Variants in LTN1 observed in about 807,000 individuals in gnomAD.
The protein encoded by LTN1 is E3 ubiquitin-protein ligase listerin.
A neutral mutation model predicts 201.2 loss-of-function variants in LTN1; 88 were observed. The ratio of observed to expected loss-of-function variants is 0.44; its 90% CI spans 0.37 to 0.52. The LOEUF is 0.52. Among genes scored for constraint, LTN1 ranks in the 20% least tolerant of loss-of-function variants. The pLI, the probability that LTN1 is intolerant of heterozygous loss-of-function variation, is 0.00. For missense variants in LTN1, 1,752 were observed against 2,038.7 expected (o/e 0.86, Z 2.71); for synonymous variants, 645 against 713.5 (o/e 0.90, Z 1.53).
At chr21:28,955,842 G>T (rs2084420347) in intron 16 of LTN1, among the ~76,000 whole-genome samples, 1 of 144,432 alleles carries the variant, frequency 6.9e-6, no homozygotes, top group Non-Finnish European at 1.5e-5. Context: ...AGAATCACTT[G>T]AACCTGGGAA....
Position 28,931,281 on chromosome 21 carries a change from G to A in LTN1, c.5112C>T (p.Asn1704=), listed in dbSNP as rs1395885354. The change falls in exon 29 of 30, where the codon AAC becomes AAT. Residue 1704 remains asparagine (N), a synonymous_variant. Coordinates refer to ENST00000361371, the MANE Select transcript of LTN1 (RefSeq NM_015565.3). ...CAACACCCTCAAAACGTTTGTCTACGTTATTTTTCCATAAAGCTAAGCCTT... is the reference window on the plus strand; with the variant it reads ...CAACACCCTCAAAACGTTTGTCTACATTATTTTTCCATAAAGCTAAGCCTT... The part of the protein sequence containing the change: ...IMEGLALWKN[N]VDKRFEGVED... 5.6e-6 allele frequency: 9 copies of A among 1,611,966 alleles called. No individual in the cohort carries two copies. Among genetic ancestry groups the A allele is most frequent in the African/African-American group, 2.7e-5 (2 of 74,806 alleles).
intron 1 of LTN1, among the ~76,000 whole-genome samples, chr21:28,987,498 A>G (rs2084707418): frequency 6.6e-6 from 1 of 152,134 alleles, no homozygotes; most frequent in South Asian, 2.1e-4. Flanking sequence ...GAGTGGATAC[A>G]CTCATTTCCA....
chr21:28,963,569 G>T (rs2084497239), intron 11 of LTN1, among the ~76,000 whole-genome samples: 1 of 152,222 alleles, frequency 6.6e-6, no homozygotes, highest in African/African-American at 2.4e-5. Context: ...CAAGACCTCT[G>T]ATGGAGATGT....
At chr21:28,934,963 G>T (rs537074010) in intron 27 of LTN1, 146 bp downstream of exon 27, 1 of 621,448 alleles carries the variant, frequency 1.6e-6, no homozygotes, top group East Asian at 2.8e-5. Context: ...CTCCCAAAGC[G>T]TTGGGATTAA....
At chr21:28,973,871 T>C (rs1027379336) in intron 6 of LTN1, among the ~76,000 whole-genome samples, 1 of 152,126 alleles carries the variant, frequency 6.6e-6, no homozygotes, top group African/African-American at 2.4e-5. Context: ...AAAATTAAAG[T>C]TGTACATATA....
At chr21:28,988,129 G>A (rs185286293) in intron 1 of LTN1, among the ~76,000 whole-genome samples, 5 of 127,794 alleles carry the variant, frequency 3.9e-5, no homozygotes, top group East Asian at 2.4e-4. Context: ...GTGACAGGGC[G>A]AGACTCTGTC....
intron 6 of LTN1, among the ~76,000 whole-genome samples, chr21:28,976,933 A>AT (rs1052243360): frequency 6.6e-6 from 1 of 152,012 alleles, no homozygotes; most frequent in Admixed American, 6.6e-5. Flanking sequence ...ATTTTTTTAC[A>AT]TTTTTTAGAT....
Position 28,960,513 on chromosome 21 carries a change from C to A in LTN1, c.2353+4G>T. 2 of 1,607,014 alleles carry A rather than the reference C, an allele frequency of 1.2e-6. No homozygotes were observed. The highest frequency in any genetic ancestry group is 1.7e-6 in the Non-Finnish European group (2 of 1,176,334). ...TTAGAAAACAAAAGCCATATTTGTCCTACCATTTTTAACATGTTGGGATAA... is the reference window on the plus strand; with the variant it reads ...TTAGAAAACAAAAGCCATATTTGTCATACCATTTTTAACATGTTGGGATAA... On this transcript the variant is annotated splice_donor_region_variant and intron_variant, in intron 12 of 29. Transcript: ENST00000361371.
intron 17 of LTN1, among the ~76,000 whole-genome samples, 167 bp from the exon 18 acceptor site, chr21:28,952,431 G>A (rs999958640): frequency 6.6e-6 from 1 of 152,192 alleles, no homozygotes; most frequent in Non-Finnish European, 1.5e-5. Flanking sequence ...ATTATCCAAA[G>A]AGCTGAGAGT....
intron 16 of LTN1, among the ~76,000 whole-genome samples, chr21:28,956,419 A>C (rs2084426020): frequency 6.6e-6 from 1 of 152,158 alleles, no homozygotes; most frequent in South Asian, 2.1e-4. Context: ...TTTTTTAATC[A>C]ACAGAAAATT....
At position 28,969,578 on chromosome 21, in the gene LTN1, G is replaced by A. The variant is rs752269848; in HGVS notation, c.1199C>T (p.Thr400Ile). Reference sequence around the variant, plus strand: ...TACTGCCGAGGACTCTAAAGAGCTGGTTTTAGTTCTCTCTGTTGACAGCCT... The same window carrying A: ...TACTGCCGAGGACTCTAAAGAGCTGATTTTAGTTCTCTCTGTTGACAGCCT... ...VAGLSTERTK[T>I]SSLESSAVIS... Residue 400 changes from threonine (T) to isoleucine (I), a missense_variant, in exon 9 of 30, where the codon ACC (threonine) becomes ATC (isoleucine). Coordinates refer to ENST00000361371, the MANE Select transcript of LTN1 (RefSeq NM_015565.3). The A allele has an allele frequency of 1.9e-6, 3 of 1,605,328 alleles. No individual in the cohort carries two copies. The South Asian group carries it at 3.3e-5, about 18-fold the overall frequency.
At chr21:28,955,204 C>T (rs1484386981) in intron 16 of LTN1, among the ~76,000 whole-genome samples, 2 of 152,026 alleles carry the variant, frequency 1.3e-5, no homozygotes, top group African/African-American at 4.8e-5. Context: ...AATGGTGGCA[C>T]TGCTTGTAAT....
intron 4 of LTN1, 33 bp downstream of exon 4, chr21:28,984,659 A>C (rs751092369): frequency 1.3e-6 from 2 of 1,548,858 alleles, no homozygotes; most frequent in Admixed American, 3.5e-5. Flanking sequence ...ACTTAAAAAA[A>C]AAAAATAGAT....
At chr21:28,930,586 C>A (rs993712774) in intron 29 of LTN1, 76 bp from the exon 30 acceptor site, 2 of 910,830 alleles carry the variant, frequency 2.2e-6, no homozygotes, top group Admixed American at 2.3e-5. Flanking sequence ...AGTACACATA[C>A]ATCTATAGTA....
intron 1 of LTN1, among the ~76,000 whole-genome samples, chr21:28,988,921 C>T (rs1181618321): frequency 1.3e-5 from 2 of 150,918 alleles, no homozygotes; most frequent in African/African-American, 2.4e-5. Context: ...GTCGAGATTG[C>T]GCCATTGCAC....
chr21:28,959,497 G>C lies in LTN1; in HGVS notation c.2554C>G (p.Gln852Glu). ...TTTTCTTTGCTCTGAGCACATAACT[G>C]AAAGAGAGTTAATAATAAATCTTCA... ...SSEDLLLTLF[Q>E]LCAQSKEKTH... is the part of the protein sequence containing the mutation. Residue 852 changes from glutamine (Q) to glutamate (E), a missense_variant, in exon 13 of 30, where the codon CAG (glutamine) becomes GAG (glutamate). Physicochemically the swap from Gln to Glu is conservative, Grantham distance 29 (BLOSUM62 2). Transcript: ENST00000361371. 1 of 1,613,922 alleles carries C rather than the reference G, an allele frequency of 6.2e-7. No homozygotes were observed. The highest frequency in any genetic ancestry group is 8.5e-7 in the Non-Finnish European group (1 of 1,179,900).
At chr21:28,983,827 T>A (rs1391260367) in intron 4 of LTN1, among the ~76,000 whole-genome samples, 1 of 152,258 alleles carries the variant, frequency 6.6e-6, no homozygotes, top group Non-Finnish European at 1.5e-5. Context: ...AATTCCCTCC[T>A]CACTTCTACT....
At position 28,928,754 on chromosome 21, in the gene LTN1, A is replaced by G. The variant is rs1024068388; in HGVS notation, c.*1694T>C. ...GCCCTAATACTAATGTGGAAAAACA[A>G]TGCTCCATTATTCCATTTTCTTTTC... On this transcript the variant is annotated 3_prime_UTR_variant, in exon 30 of 30. Transcript: ENST00000361371. 10 of 152,254 alleles carry G rather than the reference A, an allele frequency of 6.6e-5. No individual in the cohort carries two copies. Among genetic ancestry groups the G allele is most frequent in the African/African-American group, 2.4e-4 (10 of 41,446 alleles). 9.4% of individuals were successfully genotyped at this position (152,254 alleles called of 1,614,324 possible). A position where few individuals can be genotyped will look rare whatever the true frequency, so the allele number is the denominator to read the frequency against.
chr21:28,977,882 C>T lies in LTN1; in HGVS notation c.810+3237G>A, dbSNP rs2084628642. Among the ~76,000 whole-genome samples, 3 of 151,518 alleles carry T rather than the reference C, an allele frequency of 2.0e-5. No individual in the cohort carries two copies. In the Middle Eastern group the frequency reaches 0.01, roughly 519 times the overall value. ...GGTAGAGGTTGCAGTGAGCTGAGAT[C>T]GTGCCACTGCACTTCAGCCTAGGTG... On this transcript the variant is annotated intron_variant, in intron 6 of 29. Transcript: ENST00000361371.
Sources: gnomAD v4.1 joint callset for allele counts (sites outside exome capture counted in the v4.1 genomes callset) on GRCh38, gnomAD v4.1.1 for gene constraint, MANE v1.5 for transcripts, NCBI Gene and HGNC (gene_info 2026-07-23, HGNC 2026-07-21) for gene names.